The following TAOK1 variants were observed in gnomAD, a reference collection of about 807,000 sequenced individuals.
The protein encoded by TAOK1 is serine/threonine-protein kinase TAO1.
Under a neutral mutation model 138.3 loss-of-function variants are expected in TAOK1, and 21 were observed. The ratio of observed to expected loss-of-function variants is 0.15; its 90% confidence interval spans 0.11 to 0.22. The LOEUF (loss-of-function observed/expected upper bound fraction) is 0.22, where lower values mean the gene tolerates loss of function less well. TAOK1 is among the 10% of genes least tolerant of loss of function. The pLI is 1.00. For synonymous variants in TAOK1, 361 were observed against 398.4 expected (o/e 0.91, Z 1.12); for missense variants, 651 against 1,227.7 (o/e 0.53, Z 7.02).
At chr17:29,407,671 T>C (rs1905031965) in intron 1 of TAOK1, among the ~76,000 whole-genome samples, 1 of 151,942 alleles carries the variant, frequency 6.6e-6, no homozygotes, top group Admixed American at 6.6e-5. Context: ...GGTCTCGAAC[T>C]CCTGGGCTCA....
At chr17:29,454,580 C>T (rs1024109774) in intron 2 of TAOK1, among the ~76,000 whole-genome samples, 4 of 152,124 alleles carry the variant, frequency 2.6e-5, no homozygotes, top group Non-Finnish European at 5.9e-5. Context: ...TCTTCTGATC[C>T]ATGAACACAG....
intron 4 of TAOK1, among the ~76,000 whole-genome samples, chr17:29,477,177 A>G (rs765846502): frequency 1.1e-4 from 17 of 152,096 alleles, no homozygotes; most frequent in Non-Finnish European, 2.2e-4. Flanking sequence ...TTTTTGATAT[A>G]TAGTTGGTTG....
rs570966999 is a variant in TAOK1 at position 29,429,505 on chromosome 17, A to G, written c.-94-21950A>G. 3.9e-5 allele frequency among the ~76,000 whole-genome samples: 6 copies of G among 152,052 alleles called. No individual in the cohort carries two copies. In the South Asian group the frequency reaches 1.2e-3, roughly 32 times the overall value. Reference sequence around the variant, plus strand: ...TGGCCAGACTGGTCTCAAATGCTTGACCTCAAGTGATCCGGCTACCTCAGC... The same window carrying G: ...TGGCCAGACTGGTCTCAAATGCTTGGCCTCAAGTGATCCGGCTACCTCAGC... On this transcript the variant is annotated intron_variant, in intron 1 of 19. Coordinates refer to ENST00000261716, the MANE Select transcript of TAOK1 (RefSeq NM_020791.4).
intron 8 of TAOK1, among the ~76,000 whole-genome samples, chr17:29,483,974 C>T (rs1026466688): frequency 3.3e-5 from 5 of 152,162 alleles, no homozygotes; most frequent in African/African-American, 1.2e-4. Flanking sequence ...CCGATGCATA[C>T]ATGTGCCCCT....
At chr17:29,424,252 C>T (rs182039485) in intron 1 of TAOK1, among the ~76,000 whole-genome samples, 4 of 151,228 alleles carry the variant, frequency 2.6e-5, no homozygotes, top group East Asian at 2.0e-4. Flanking sequence ...CTGGCTAACA[C>T]GGTGAAACCT....
rs1472074266 is a variant in TAOK1, at chr17:29,548,389, T to C, written c.*5367T>C. 1 of 152,148 alleles carries C rather than the reference T, an allele frequency of 6.6e-6. No homozygotes were observed. The highest frequency in any genetic ancestry group is 2.4e-5 in the African/African-American group (1 of 41,444). The allele number at this position is 152,148 out of a possible 1,614,324, so 9.4% of individuals were successfully genotyped here. A position where few individuals can be genotyped will look rare whatever the true frequency, so the allele number is the denominator to read the frequency against. Reference sequence around the variant, plus strand: ...ACTGTTTCCCAGCAATCTAAACTTTTTGAAGTTTCAGAGGTGTATTTTTTT... The same window carrying C: ...ACTGTTTCCCAGCAATCTAAACTTTCTGAAGTTTCAGAGGTGTATTTTTTT... On this transcript the variant is annotated 3_prime_UTR_variant, in exon 20 of 20. Coordinates refer to ENST00000261716, the MANE Select transcript of TAOK1 (RefSeq NM_020791.4).
chr17:29,480,338 T>TA (rs1352392885), intron 6 of TAOK1, 30 bp from the exon 7 acceptor site: 1 of 1,507,862 alleles, frequency 6.6e-7, no homozygotes, highest in South Asian at 1.2e-5. Context: ...GAGGGAAAGT[T>TA]AAGTAATTTT....
rs958154736 is a variant in TAOK1 at position 29,498,464 on chromosome 17, C to T, written c.1146C>T (p.Asp382=). The T allele has an allele frequency of 6.2e-7, 1 of 1,614,068 alleles. No individual in the cohort carries two copies. The highest frequency in any genetic ancestry group is 1.7e-5 in the Admixed American group (1 of 60,002). ...PDVSDDKSEL[D]MMEGDHTVMS... The stretch of plus-strand genomic sequence containing the variant: ...TCTCAGATGACAAGAGTGAGCTAGA[C>T]ATGATGGAGGGAGACCACACAGTGA... Residue 382 remains aspartate (D), a synonymous_variant, in exon 12 of 20, where the codon GAC becomes GAT. Transcript: ENST00000261716.
intron 1 of TAOK1, among the ~76,000 whole-genome samples, chr17:29,417,045 ACT>A (rs1905280934): frequency 6.6e-6 from 1 of 151,630 alleles, no homozygotes; most frequent in Non-Finnish European, 1.5e-5. Context: ...ATGGAGTCTC[ACT>A]CTGTCGTCCA....
intron 1 of TAOK1, among the ~76,000 whole-genome samples, chr17:29,417,307 G>T (rs939895726): frequency 1.3e-5 from 2 of 152,150 alleles, no homozygotes; most frequent in African/African-American, 4.8e-5. Context: ...GAGCCACCGC[G>T]CCCAGCCCCT....
chr17:29,406,730 C>T (rs1221231546), intron 1 of TAOK1, among the ~76,000 whole-genome samples: 1 of 152,042 alleles, frequency 6.6e-6, no homozygotes, highest in East Asian at 1.9e-4. Flanking sequence ...GCATACACCA[C>T]CATGGCCAGC....
chr17:29,402,928 A>G (rs1904890326), intron 1 of TAOK1, among the ~76,000 whole-genome samples: 1 of 151,746 alleles, frequency 6.6e-6, no homozygotes, highest in Non-Finnish European at 1.5e-5. Context: ...TAAGCCCAGC[A>G]CTTTGGGAGG....
intron 13 of TAOK1, among the ~76,000 whole-genome samples, chr17:29,507,678 C>T (rs980775922): frequency 1.3e-5 from 2 of 151,890 alleles, no homozygotes; most frequent in Admixed American, 6.6e-5. Context: ...TTTTTTTCCT[C>T]AAGATTGTTT....
chr17:29,483,274 C>T (rs549770110), intron 8 of TAOK1, among the ~76,000 whole-genome samples: 4 of 152,068 alleles, frequency 2.6e-5, no homozygotes, highest in African/African-American at 7.2e-5. Context: ...GACAGGGTTT[C>T]GCCATGATGC....
chr17:29,471,022 A>T (rs2030801015), intron 3 of TAOK1, among the ~76,000 whole-genome samples: 2 of 152,032 alleles, frequency 1.3e-5, no homozygotes, highest in African/African-American at 4.8e-5. Flanking sequence ...GGTACTTGGG[A>T]GGCTGAGGCA....
intron 17 of TAOK1, among the ~76,000 whole-genome samples, chr17:29,524,979 A>G (rs1449132903): frequency 2.6e-5 from 4 of 152,198 alleles, no homozygotes; most frequent in Admixed American, 2.6e-4. Flanking sequence ...TGAGGGATAT[A>G]GTTTATTCTT....
chr17:29,463,983 GA>G (rs1438779702), intron 2 of TAOK1, among the ~76,000 whole-genome samples: 1 of 152,158 alleles, frequency 6.6e-6, no homozygotes, highest in Non-Finnish European at 1.5e-5. Flanking sequence ...CATTAGTCAT[GA>G]ATTTTGACAT....
At chr17:29,430,255 C>T (rs1419151515) in intron 1 of TAOK1, among the ~76,000 whole-genome samples, 1 of 152,136 alleles carries the variant, frequency 6.6e-6, no homozygotes, top group Non-Finnish European at 1.5e-5. Flanking sequence ...GCTCAAGGAG[C>T]CCAGGTGTAG....
At chr17:29,430,363 T>C (rs913829181) in intron 1 of TAOK1, among the ~76,000 whole-genome samples, 4 of 152,114 alleles carry the variant, frequency 2.6e-5, no homozygotes, top group African/African-American at 9.7e-5. Context: ...GTCTGATTGG[T>C]TGGGGAAAGC....
Sources: gnomAD v4.1 joint callset for allele counts (sites outside exome capture counted in the v4.1 genomes callset) on GRCh38, gnomAD v4.1.1 for gene constraint, MANE v1.5 for transcripts, NCBI Gene and HGNC (gene_info 2026-07-23, HGNC 2026-07-21) for gene names.